The following ERAP2 variants were observed in gnomAD, a reference collection of about 807,000 sequenced individuals.
ERAP2 encodes leukocyte-derived arginine aminopeptidase.
In ERAP2, 118 loss-of-function variants were observed where a neutral mutation model predicts 111.1. The ratio of observed to expected loss-of-function variants is 1.06; its 90% CI spans 0.92 to 1.24. The LOEUF is 1.24. ERAP2 is among the 50% of genes most tolerant of loss of function. ERAP2 has a pLI of 0.00. For synonymous variants in ERAP2, 410 were observed against 401.2 expected (o/e 1.02, Z -0.26); for missense variants, 1,131 against 1,125.8 (o/e 1.00, Z -0.07).
At chr5:96,908,860 C>T in intron 13 of ERAP2, 101 bp from the exon 14 acceptor site, 2 of 1,226,390 alleles carry the variant, frequency 1.6e-6, no homozygotes, top group Non-Finnish European at 2.3e-6. Context: ...CTATAATGAC[C>T]TACTTCTGTT....
In ERAP2 at chr5:96,901,655, C is replaced by A; in HGVS notation, c.1722C>A (p.Asp574Glu). 3 of 1,613,998 alleles carry A rather than the reference C, an allele frequency of 1.9e-6. No individual in the cohort carries two copies. Among genetic ancestry groups the A allele is most frequent in the Non-Finnish European group, 2.5e-6 (3 of 1,179,950 alleles). ...TCCTCCAGGGGGTTTTCCAGGAAGA[C>A]CCTGAATGGAGGGCCCTGCAGGAGA... ...ERFLQGVFQE[D>E]PEWRALQERY... The change falls in exon 11 of 19, where the codon GAC becomes GAA. Residue 574 changes from aspartate to glutamate, a missense_variant. Coordinates refer to ENST00000437043, the MANE Select transcript of ERAP2 (RefSeq NM_022350.5).
At chr5:96,916,862 TTA>T (rs1787472896) in intron 18 of ERAP2, among the ~76,000 whole-genome samples, 2 of 152,074 alleles carry the variant, frequency 1.3e-5, no homozygotes, top group Non-Finnish European at 2.9e-5. Flanking sequence ...ATTCCTGAAC[TTA>T]AATCCCAGCT....
intron 13 of ERAP2, among the ~76,000 whole-genome samples, chr5:96,905,832 AGCCTGGG>A (rs1786009775): frequency 6.6e-6 from 1 of 152,218 alleles, no homozygotes; most frequent in Non-Finnish European, 1.5e-5. Flanking sequence ...ACTGAACTCC[AGCCTGGG>A]TGACCGAATA....
At chr5:96,909,893 C>T in intron 15 of ERAP2, 129 bp downstream of exon 15, 1 of 865,952 alleles carries the variant, frequency 1.2e-6, no homozygotes, top group East Asian at 2.7e-5. Context: ...CATTACAAAC[C>T]CTGTTTCATG....
chr5:96,879,850 A>G lies in ERAP2; in HGVS notation c.165A>G (p.Val55=). 6.2e-7 allele frequency: 1 copy of G among 1,614,184 alleles called. No homozygotes were observed. The highest frequency in any genetic ancestry group is 8.5e-7 in the Non-Finnish European group (1 of 1,180,030). ...HFTEDPGAFP[V]ATNGERFPWQ... ...CTGAGGATCCTGGGGCTTTCCCAGT[A>G]GCCACTAATGGGGAACGATTTCCTT... The change falls in exon 2 of 19, where the codon GTA becomes GTG. Residue 55 remains valine (V), a synonymous_variant. Coordinates refer to ENST00000437043, the MANE Select transcript of ERAP2 (RefSeq NM_022350.5).
rs977467351 is a variant in ERAP2, at chr5:96,918,316, G to C, written c.*711G>C. 2 of 152,150 alleles carry C rather than the reference G, an allele frequency of 1.3e-5. No homozygotes were observed. The highest frequency in any genetic ancestry group is 2.4e-5 in the African/African-American group (1 of 41,396). 9.4% of individuals were successfully genotyped at this position (152,150 alleles called of 1,614,324 possible). Reference sequence around the variant, plus strand: ...TTTTAACCTTGCTTAGTATTCTATAGTTTGCCCAACCAGTTTTACGTCCAA... The same window carrying C: ...TTTTAACCTTGCTTAGTATTCTATACTTTGCCCAACCAGTTTTACGTCCAA... On this transcript the variant is annotated 3_prime_UTR_variant, in exon 19 of 19. Transcript: ENST00000437043.
intron 14 of ERAP2, 54 bp from the exon 15 acceptor site, chr5:96,909,526 C>T (rs1429619487): frequency 2.1e-6 from 3 of 1,426,612 alleles, no homozygotes; most frequent in East Asian, 2.3e-5. Context: ...TGGGCAAGAA[C>T]TGTGTTAAGG....
chr5:96,898,230 T>TA (rs1379604412), intron 9 of ERAP2, among the ~76,000 whole-genome samples: 1 of 151,838 alleles, frequency 6.6e-6, no homozygotes, highest in African/African-American at 2.4e-5. Flanking sequence ...TAATAATAAA[T>TA]AAAAAATCAA....
chr5:96,879,775 C>G lies in ERAP2; in HGVS notation c.90C>G (p.Pro30=). 1 of 1,614,172 alleles carries G rather than the reference C, an allele frequency of 6.2e-7. No homozygotes were observed. Among genetic ancestry groups the G allele is most frequent in the Non-Finnish European group, 8.5e-7 (1 of 1,180,022 alleles). ...TTTACTGCTTAACAGCCATCTTGCC[C>G]CAAATATGCATTTGTTCTCAGTTCT... The part of the protein sequence containing the change: ...RGFYCLTAIL[P]QICICSQFSV... The change falls in exon 2 of 19, where the codon CCC becomes CCG. Residue 30 remains proline, a synonymous_variant. Coordinates refer to ENST00000437043, the MANE Select transcript of ERAP2 (RefSeq NM_022350.5).
intron 9 of ERAP2, among the ~76,000 whole-genome samples, chr5:96,897,918 CG>C (rs1443140548): frequency 6.6e-6 from 1 of 152,118 alleles, no homozygotes; most frequent in Non-Finnish European, 1.5e-5. Flanking sequence ...CTTTCATGGC[CG>C]GGTACAATGG....
chr5:96,877,276 T>C (rs894545564), intron 1 of ERAP2, among the ~76,000 whole-genome samples: 2 of 152,214 alleles, frequency 1.3e-5, no homozygotes, highest in Admixed American at 1.3e-4. Context: ...TGCCCGGTCC[T>C]GTTTCTTTAT....
chr5:96,892,585 A>G, intron 6 of ERAP2, 132 bp downstream of exon 6: 2 of 992,912 alleles, frequency 2.0e-6, no homozygotes, highest in Non-Finnish European at 2.9e-6. Flanking sequence ...ACTAAACCTA[A>G]CACAACGTCA....
At chr5:96,893,362 A>T (rs940383433) in intron 6 of ERAP2, among the ~76,000 whole-genome samples, 1 of 152,188 alleles carries the variant, frequency 6.6e-6, no homozygotes. Context: ...TATCGTCACC[A>T]CAATAATGAG....
At chr5:96,892,205 T>C (rs1292748100) in intron 5 of ERAP2, 94 bp from the exon 6 acceptor site, 1 of 1,279,386 alleles carries the variant, frequency 7.8e-7, no homozygotes, top group Non-Finnish European at 1.1e-6. Context: ...TGCTTAAATA[T>C]GCTTAAAGGA....
chr5:96,904,641 G>A (rs1785842089), intron 13 of ERAP2, among the ~76,000 whole-genome samples: 1 of 152,202 alleles, frequency 6.6e-6, no homozygotes, highest in Admixed American at 6.5e-5. Flanking sequence ...GCTAGTTGAA[G>A]GAGGTTTGCC....
At chr5:96,909,548 C>T (rs775004650) in intron 14 of ERAP2, 32 bp from the exon 15 acceptor site, 6 of 1,568,092 alleles carry the variant, frequency 3.8e-6, no homozygotes, top group Non-Finnish European at 5.3e-6. Context: ...CTAAATTTAG[C>T]CTCTCTGTTA....
In ERAP2 at chr5:96,879,887, A is replaced by T. The variant is rs773737033; in HGVS notation, c.202A>T (p.Arg68Trp). The change falls in exon 2 of 19, where the codon AGG (arginine) becomes TGG (tryptophan). Residue 68 changes from arginine to tryptophan, a missense_variant. Around this residue, in one of 3 missense-constraint regions of ERAP2, gnomAD observed 847 missense variants for 856.5 expected, o/e 0.99. Transcript: ENST00000437043. Reference sequence around the variant, plus strand: ...GGAACGATTTCCTTGGCAGGAGCTAAGGCTCCCCAGTGTGGTCATTCCTCT... The same window carrying T: ...GGAACGATTTCCTTGGCAGGAGCTATGGCTCCCCAGTGTGGTCATTCCTCT... ...NGERFPWQELRLPSVVIPLHY... is the reference protein window; with the variant it reads ...NGERFPWQELWLPSVVIPLHY... 1 of 1,614,146 alleles carries T rather than the reference A, an allele frequency of 6.2e-7. No individual in the cohort carries two copies. Among genetic ancestry groups the T allele is most frequent in the South Asian group, 1.1e-5 (1 of 91,082 alleles).
chr5:96,903,583 T>G (rs1166517753), intron 13 of ERAP2, 23 bp downstream of exon 13: 6 of 1,574,670 alleles, frequency 3.8e-6, no homozygotes, highest in Middle Eastern at 3.4e-4. Flanking sequence ...TTCCTCTGAC[T>G]TCATGCAAAA....
upstream of ERAP2, chr5:96,876,223 T>C (rs182637068): frequency 6.6e-6 from 1 of 152,432 alleles, no homozygotes. Flanking sequence ...TAAACTATGT[T>C]CTGAAGGCTT....
Sources: gnomAD v4.1 joint callset for allele counts (sites outside exome capture counted in the v4.1 genomes callset) on GRCh38, gnomAD v4.1.1 for gene constraint, gnomAD v4.1.1 regional missense constraint, MANE v1.5 for transcripts, NCBI Gene and HGNC (gene_info 2026-07-23, HGNC 2026-07-21) for gene names.